STIM2: variants seen among roughly 807,000 people sequenced by gnomAD.
STIM2 encodes the protein stromal interaction molecule 2.
STIM2 carries 31 observed loss-of-function variants against 85.8 expected under a neutral mutation model. That is an observed-to-expected ratio of 0.36 (90% CI 0.27 to 0.49). The LOEUF (loss-of-function observed/expected upper bound fraction) is 0.49. STIM2 is among the 20% of genes least tolerant of loss of function. STIM2 has a pLI of 0.98. For synonymous variants in STIM2, 356 were observed against 331.1 expected, an observed-to-expected ratio of 1.08 and a Z score of -0.82; for missense variants, 841 against 927.6, an observed-to-expected ratio of 0.91 and a Z score of 1.21.
intron 1 of STIM2, among the ~76,000 whole-genome samples, chr4:26,908,475 TTTTG>T (rs146745390): frequency 1.7e-4 from 26 of 152,070 alleles, no homozygotes; most frequent in African/African-American, 6.3e-4. Flanking sequence ...CACCCAGTCA[TTTTG>T]TTTGTTTGTT....
rs771506295 is a variant in STIM2 at position 27,022,660 on chromosome 4, C to T, written c.1905C>T (p.Ser635=). 5.0e-6 allele frequency: 8 copies of T among 1,614,182 alleles called. No homozygotes were observed. Among genetic ancestry groups the T allele is most frequent in the Admixed American group, 1.7e-5 (1 of 60,028 alleles). ...GAGATGAGGTGTCCCTAGAGGATTC[C>T]TCCCGAGGGGATTCGCCTGTAACTG... The change falls in exon 12 of 12, where the codon TCC becomes TCT. Residue 635 remains serine, a synonymous_variant. Coordinates refer to ENST00000467087, the MANE Select transcript of STIM2 (RefSeq NM_020860.4).
intron 1 of STIM2, among the ~76,000 whole-genome samples, chr4:26,914,863 A>C (rs1318348749): frequency 3.3e-5 from 5 of 152,210 alleles, no homozygotes; most frequent in Non-Finnish European, 7.3e-5. Flanking sequence ...TAGATTGTGA[A>C]TATCATTCCA....
At position 27,002,973 on chromosome 4, in the gene STIM2, C is replaced by A; in HGVS notation, c.850C>A (p.Gln284Lys). ...AAACAGAAATGTTGCTGTAGAAAAG[C>A]AAAATTTAGAGCGCAAAATGATGGA... Residue 284 changes from glutamine to lysine, a missense_variant, in exon 7 of 12, where the codon CAA becomes AAA. This residue lies in a region of STIM2 where 408 missense variants were observed against 525.4 expected (regional missense o/e 0.78). Coordinates refer to ENST00000467087, the MANE Select transcript of STIM2 (RefSeq NM_020860.4). 1 of 1,596,500 alleles carries A rather than the reference C, an allele frequency of 6.3e-7. No individual in the cohort carries two copies.
At chr4:26,863,791 GGTCT>G (rs1722303233) in intron 1 of STIM2, among the ~76,000 whole-genome samples, 1 of 152,058 alleles carries the variant, frequency 6.6e-6, no homozygotes, top group African/African-American at 2.4e-5. Context: ...GAGAAGAATT[GGTCT>G]CTTTGTCTCC....
intron 3 of STIM2, among the ~76,000 whole-genome samples, chr4:26,962,682 T>G (rs1055453948): frequency 3.3e-5 from 5 of 152,070 alleles, no homozygotes; most frequent in Non-Finnish European, 7.4e-5. Flanking sequence ...GAAAGCCATT[T>G]AAAAACTAGT....
chr4:27,012,750 A>T (rs956994835), intron 10 of STIM2, among the ~76,000 whole-genome samples: 27 of 152,178 alleles, frequency 1.8e-4, no homozygotes, highest in African/African-American at 6.5e-4. Flanking sequence ...TTTAAAGAGA[A>T]TGCTGCCAGA....
intron 1 of STIM2, among the ~76,000 whole-genome samples, chr4:26,877,406 T>G (rs1401870969): frequency 6.6e-6 from 1 of 152,176 alleles, no homozygotes; most frequent in East Asian, 1.9e-4. Context: ...TTCCTTTACC[T>G]TTTTTAACAT....
intron 11 of STIM2, among the ~76,000 whole-genome samples, chr4:27,020,060 T>G (rs1179822715): frequency 6.6e-6 from 1 of 152,192 alleles, no homozygotes; most frequent in Non-Finnish European, 1.5e-5. Flanking sequence ...CCTCAAGAGA[T>G]CAAGTGATTT....
At chr4:26,933,697 G>A (rs560916403) in intron 2 of STIM2, among the ~76,000 whole-genome samples, 321 of 142,302 alleles carry the variant, frequency 2.3e-3, no homozygotes, top group African/African-American at 8.3e-3. Context: ...CTAAGGAGTT[G>A]GAGACTAGCC....
At chr4:26,903,481 G>A (rs1724003704) in intron 1 of STIM2, among the ~76,000 whole-genome samples, 2 of 152,222 alleles carry the variant, frequency 1.3e-5, no homozygotes, top group East Asian at 3.9e-4. Flanking sequence ...TTTGCTTCAA[G>A]TACTCTTTTA....
intron 1 of STIM2, 60 bp from the exon 2 acceptor site, chr4:26,919,440 ACTCT>A (rs1198206375): frequency 1.1e-5 from 18 of 1,587,032 alleles, no homozygotes; most frequent in Middle Eastern, 1.7e-4. Flanking sequence ...TTTAAATTAT[ACTCT>A]CTAACTATAG....
intron 1 of STIM2, among the ~76,000 whole-genome samples, chr4:26,895,606 C>G (rs1378738597): frequency 6.6e-6 from 1 of 152,036 alleles, no homozygotes; most frequent in East Asian, 1.9e-4. Context: ...TGAATTTGTC[C>G]ATAACCCAGT....
Position 26,882,279 on chromosome 4 carries a change from T to C in STIM2, c.151+20910T>C, listed in dbSNP as rs192187322. ...AAAGGGTTGAGCTTTCTATTAATAA[T>C]AAGTTAATTGTGGTTTCATTTTTTC... is the stretch of plus-strand genomic sequence containing the variant. On this transcript the variant is annotated intron_variant, in intron 1 of 11. Transcript: ENST00000467087. 9.5e-4 allele frequency among the ~76,000 whole-genome samples: 144 copies of C among 152,310 alleles called. 1 individual carries two copies. The highest frequency in any genetic ancestry group is 3.3e-3 in the African/African-American group (137 of 41,568).
At chr4:26,985,923 A>G (rs1727564879) in intron 3 of STIM2, among the ~76,000 whole-genome samples, 1 of 152,248 alleles carries the variant, frequency 6.6e-6, no homozygotes, top group African/African-American at 2.4e-5. Context: ...AATGAAAAGC[A>G]GAATACATGT....
intron 3 of STIM2, among the ~76,000 whole-genome samples, chr4:26,960,704 T>C (rs1248631297): frequency 1.3e-5 from 2 of 152,144 alleles, no homozygotes. Flanking sequence ...ATGGGAAAAA[T>C]GGGACTGAAG....
At chr4:26,875,828 G>A (rs1722796724) in intron 1 of STIM2, among the ~76,000 whole-genome samples, 1 of 152,130 alleles carries the variant, frequency 6.6e-6, no homozygotes, top group Admixed American at 6.5e-5. Flanking sequence ...CCCCACAAAA[G>A]CCCTTACTAA....
At chr4:26,893,072 T>C (rs1312076499) in intron 1 of STIM2, among the ~76,000 whole-genome samples, 1 of 152,222 alleles carries the variant, frequency 6.6e-6, no homozygotes, top group East Asian at 1.9e-4. Flanking sequence ...TACCCCTGCA[T>C]CCTTCAGGTC....
chr4:26,877,837 T>C (rs1344972463), intron 1 of STIM2, among the ~76,000 whole-genome samples: 1 of 152,168 alleles, frequency 6.6e-6, no homozygotes, highest in Non-Finnish European at 1.5e-5. Context: ...TACTGAGAAA[T>C]GGGACCATTA....
At chr4:26,961,400 G>A (rs79308418) in intron 3 of STIM2, among the ~76,000 whole-genome samples, 22 of 152,242 alleles carry the variant, frequency 1.4e-4, no homozygotes, top group Non-Finnish European at 2.2e-4. Flanking sequence ...TGACTTTTGC[G>A]TTGATGTGAC....
Sources: allele counts gnomAD v4.1 joint callset (sites outside exome capture counted in the v4.1 genomes callset), GRCh38; gene constraint gnomAD v4.1.1; regional missense constraint gnomAD v4.1.1; transcripts MANE v1.5; gene names NCBI Gene and HGNC (gene_info 2026-07-23, HGNC 2026-07-21).